The following SGMS1 variants were observed in gnomAD, a reference collection of about 807,000 sequenced individuals.
The protein encoded by SGMS1 is phosphatidylcholine:ceramide cholinephosphotransferase 1.
A neutral mutation model predicts 46.2 loss-of-function variants in SGMS1; 13 were observed. The observed-to-expected ratio is 0.28, with a 90% CI of 0.18 to 0.45. The LOEUF (loss-of-function observed/expected upper bound fraction) is 0.45, where lower values mean the gene tolerates loss of function less well. Ranked by LOEUF, SGMS1 falls within the 20% of genes least tolerant of loss-of-function variation. SGMS1 has a pLI of 1.00. For missense variants in SGMS1, 324 were observed against 519.9 expected, an observed-to-expected ratio of 0.62 and a Z score of 3.66; for synonymous variants, 203 against 187.8, an observed-to-expected ratio of 1.08 and a Z score of -0.66.
chr10:50,388,109 A>T (rs1298014694), intron 6 of SGMS1, among the ~76,000 whole-genome samples: 3 of 152,190 alleles, frequency 2.0e-5, no homozygotes, highest in African/African-American at 7.2e-5. Flanking sequence ...AAGAGAGGGA[A>T]GGAAGGAGAT....
chr10:50,539,791 C>A (rs1486152982), intron 2 of SGMS1, among the ~76,000 whole-genome samples: 1 of 151,908 alleles, frequency 6.6e-6, no homozygotes, highest in Non-Finnish European at 1.5e-5. Context: ...CTTTCACTAG[C>A]AAAATAAACA....
At chr10:50,544,831 T>C (rs568408171) in intron 2 of SGMS1, among the ~76,000 whole-genome samples, 2 of 152,318 alleles carry the variant, frequency 1.3e-5, no homozygotes, top group South Asian at 2.1e-4. Context: ...AGGTGGGACA[T>C]GCTACAACTA....
At chr10:50,574,387 C>T (rs1838361988) in intron 2 of SGMS1, among the ~76,000 whole-genome samples, 1 of 152,052 alleles carries the variant, frequency 6.6e-6, no homozygotes, top group Non-Finnish European at 1.5e-5. Context: ...AGGTTTATGA[C>T]CAAATGCTCA....
intron 5 of SGMS1, among the ~76,000 whole-genome samples, chr10:50,451,911 T>C (rs17438963): frequency 0.038 from 5,786 of 152,266 alleles, 153 homozygotes; most frequent in Middle Eastern, 0.065. Flanking sequence ...ATTGCAACTA[T>C]TTGCCCTTAC....
intron 8 of SGMS1, among the ~76,000 whole-genome samples, chr10:50,323,404 T>G (rs1388171704): frequency 6.6e-6 from 1 of 152,206 alleles, no homozygotes; most frequent in African/African-American, 2.4e-5. Context: ...TTTAGTGATA[T>G]TGAGTAACTG....
intron 3 of SGMS1, among the ~76,000 whole-genome samples, chr10:50,485,165 AG>A (rs764249177): frequency 2.1e-4 from 32 of 152,228 alleles, no homozygotes; most frequent in Non-Finnish European, 2.9e-4. Flanking sequence ...TCAGCCCAAA[AG>A]CTTCTTAAGC....
intron 6 of SGMS1, among the ~76,000 whole-genome samples, chr10:50,384,287 G>T (rs11005421): frequency 0.017 from 2,529 of 152,076 alleles, 33 homozygotes; most frequent in Non-Finnish European, 0.027. Context: ...TCTAACATTT[G>T]AGCCTTTTGT....
chr10:50,427,284 A>G (rs1588815003), intron 6 of SGMS1, among the ~76,000 whole-genome samples: 1 of 152,174 alleles, frequency 6.6e-6, no homozygotes, highest in Admixed American at 6.5e-5. Context: ...CTGTAGTCCC[A>G]GCTACTCCGG....
At chr10:50,538,376 T>G (rs925929171) in intron 2 of SGMS1, among the ~76,000 whole-genome samples, 2 of 146,678 alleles carry the variant, frequency 1.4e-5, no homozygotes, top group Non-Finnish European at 3.0e-5. Context: ...GACAATGGCA[T>G]GAACCCGGGA....
At chr10:50,448,742 C>CAAAA (rs35580756) in intron 5 of SGMS1, among the ~76,000 whole-genome samples, 27 of 58,686 alleles carry the variant, frequency 4.6e-4, no homozygotes, top group Middle Eastern at 9.8e-3. Flanking sequence ...GAAACTCCGC[C>CAAAA]AAAAAAAAAA....
intron 3 of SGMS1, among the ~76,000 whole-genome samples, chr10:50,519,201 C>G (rs1042702367): frequency 1.3e-5 from 2 of 152,200 alleles, no homozygotes; most frequent in African/African-American, 4.8e-5. Flanking sequence ...ACATAGTAAT[C>G]AACATATACA....
chr10:50,592,046 T>C (rs1319463428), intron 1 of SGMS1, among the ~76,000 whole-genome samples: 1 of 152,204 alleles, frequency 6.6e-6, no homozygotes, highest in Non-Finnish European at 1.5e-5. Context: ...TTCCGGCTGC[T>C]TCCTCACCTG....
chr10:50,420,055 T>C (rs953145194), intron 6 of SGMS1, among the ~76,000 whole-genome samples: 1 of 152,160 alleles, frequency 6.6e-6, no homozygotes, highest in African/African-American at 2.4e-5. Flanking sequence ...TCTAAGAGTG[T>C]TTCCAGTTGG....
In SGMS1 at chr10:50,598,140, GAGAGGACTCCTTTGGGA is replaced by G. The variant is rs1029878454; in HGVS notation, c.-683-7910_-683-7894del. Among the ~76,000 whole-genome samples, 3 of 143,074 alleles carry G rather than the reference GAGAGGACTCCTTTGGGA, an allele frequency of 2.1e-5. No homozygotes were observed. The Admixed American group carries it at 2.1e-4, about 10-fold the overall frequency. 93.9% of individuals were successfully genotyped at this position (143,074 alleles called of 152,430 possible). On this transcript the variant is annotated intron_variant, in intron 1 of 10. Coordinates refer to ENST00000361781, the MANE Select transcript of SGMS1 (RefSeq NM_147156.4). ...CTAGTCCCCAGTGTGACGGTATTCA[GAGAGGACTCCTTTGGGA>G]AGGTCATGAGCAGGGAGCCCTCATG...
chr10:50,373,118 T>C (rs1188355953), intron 6 of SGMS1, among the ~76,000 whole-genome samples: 1 of 152,194 alleles, frequency 6.6e-6, no homozygotes, highest in Non-Finnish European at 1.5e-5. Context: ...AAGGGTATCA[T>C]CATAGGAAAT....
chr10:50,432,167 C>T (rs1849411141), intron 6 of SGMS1, among the ~76,000 whole-genome samples: 1 of 152,160 alleles, frequency 6.6e-6, no homozygotes, highest in African/African-American at 2.4e-5. Flanking sequence ...TTAGAGCCAA[C>T]TTATACCAGG....
chr10:50,562,351 T>C lies in SGMS1; in HGVS notation c.-589+27802A>G, dbSNP rs1315906868. Among the ~76,000 whole-genome samples, 121 of 64,332 alleles carry C rather than the reference T, an allele frequency of 1.9e-3. 1 individual carries two copies. Among genetic ancestry groups the C allele is most frequent in the Non-Finnish European group, 3.8e-3 (96 of 25,102 alleles). The allele number at this position is 64,332 out of a possible 152,430, so 42.2% of individuals were successfully genotyped here. On this transcript the variant is annotated intron_variant, in intron 2 of 10. Transcript: ENST00000361781. Reference sequence around the variant, plus strand: ...AACACTCTCTGAGTGTGTGTGTGTGTGTGTGCGCGCGCGCACACACACACA... The same window carrying C: ...AACACTCTCTGAGTGTGTGTGTGTGCGTGTGCGCGCGCGCACACACACACA...
intron 6 of SGMS1, among the ~76,000 whole-genome samples, chr10:50,356,261 A>C (rs1848146321): frequency 6.6e-6 from 1 of 152,216 alleles, no homozygotes; most frequent in Admixed American, 6.5e-5. Flanking sequence ...CCTTACCCCC[A>C]ACCCTGTGCT....
At chr10:50,487,089 T>C (rs1419139206) in intron 3 of SGMS1, among the ~76,000 whole-genome samples, 2 of 152,134 alleles carry the variant, frequency 1.3e-5, no homozygotes, top group Admixed American at 6.5e-5. Flanking sequence ...TTCTCACTTA[T>C]AATTGGGAGC....
Sources: allele counts gnomAD v4.1 joint callset (sites outside exome capture counted in the v4.1 genomes callset), GRCh38; gene constraint gnomAD v4.1.1; transcripts MANE v1.5; gene names NCBI Gene and HGNC (gene_info 2026-07-23, HGNC 2026-07-21).